RAD51B: variants seen among roughly 807,000 people sequenced by gnomAD.
RAD51B encodes the protein RAD51 paralog B.
In RAD51B, 38 loss-of-function variants were observed where a neutral mutation model predicts 42.2. That is an observed-to-expected ratio of 0.90 (90% CI 0.70 to 1.18). RAD51B has a LOEUF of 1.18. Ranked by LOEUF, RAD51B falls within the 50% of genes most tolerant of loss-of-function variation. RAD51B has a pLI of 0.00. For synonymous variants in RAD51B, 154 were observed against 145.2 expected, an observed-to-expected ratio of 1.06 and a Z score of -0.43; for missense variants, 373 against 400.7, an observed-to-expected ratio of 0.93 and a Z score of 0.59.
intron 3 of RAD51B, among the ~76,000 whole-genome samples, chr14:67,826,344 C>G (rs34193523): frequency 5.8e-4 from 88 of 152,230 alleles, no homozygotes; most frequent in African/African-American, 2.0e-3. Flanking sequence ...ATCCTTTACT[C>G]TTAAGAAAAT....
Position 68,563,786 on chromosome 14 carries a change from G to A in RAD51B, c.1037-30699G>A, listed in dbSNP as rs17105847. The A allele has an allele frequency of 1.3e-3, 1,287 of 985,264 alleles. 20 individuals carry two copies. The East Asian group carries it at 0.055, about 42-fold the overall frequency. 61.0% of individuals were successfully genotyped at this position (985,264 alleles called of 1,614,324 possible). On this transcript the variant is annotated intron_variant, in intron 10 of 10. Transcript: ENST00000487270. ...ACTCTGAGGCGTAACCTGATTTTCC[G>A]TAAGAAACGACAGCTCGGTAATGAG...
At chr14:67,834,071 A>G (rs1566913920) in intron 3 of RAD51B, among the ~76,000 whole-genome samples, 1 of 152,202 alleles carries the variant, frequency 6.6e-6, no homozygotes, top group Non-Finnish European at 1.5e-5. Context: ...GTTCAAAATT[A>G]AGGTGTAGGC....
intron 9 of RAD51B, 39 bp downstream of exon 9, chr14:68,411,566 G>T: frequency 6.3e-7 from 1 of 1,579,736 alleles, no homozygotes; most frequent in South Asian, 1.1e-5. Context: ...ATGAAGGTCG[G>T]GGAATGAGAT....
chr14:68,000,944 G>A (rs2075470895), intron 7 of RAD51B, among the ~76,000 whole-genome samples: 1 of 151,948 alleles, frequency 6.6e-6, no homozygotes, highest in African/African-American at 2.4e-5. Flanking sequence ...CATAAATTGG[G>A]GAGAATTTAT....
chr14:68,196,754 A>G (rs1042135018), intron 7 of RAD51B, among the ~76,000 whole-genome samples: 3 of 152,194 alleles, frequency 2.0e-5, no homozygotes, highest in Non-Finnish European at 4.4e-5. Context: ...GTTTATTGCT[A>G]TATCTACAAT....
intron 3 of RAD51B, among the ~76,000 whole-genome samples, chr14:67,832,503 T>G (rs1296712048): frequency 6.6e-6 from 1 of 152,254 alleles, no homozygotes; most frequent in Non-Finnish European, 1.5e-5. Context: ...TGTTATGTTC[T>G]TTAGGAAAAA....
At chr14:68,207,079 C>T (rs1183113162) in intron 7 of RAD51B, among the ~76,000 whole-genome samples, 3 of 152,040 alleles carry the variant, frequency 2.0e-5, no homozygotes, top group Non-Finnish European at 2.9e-5. Flanking sequence ...CTTGAGCCAC[C>T]GCACCCGGCC....
intron 11 of RAD51B, among the ~76,000 whole-genome samples, chr14:68,671,378 T>A (rs780433449): frequency 1.3e-5 from 2 of 152,058 alleles, no homozygotes; most frequent in Non-Finnish European, 2.9e-5. Flanking sequence ...TCCTACCACA[T>A]CTCCAGTTTG....
intron 7 of RAD51B, among the ~76,000 whole-genome samples, chr14:68,178,069 GTCT>G (rs2078994359): frequency 1.3e-5 from 2 of 152,074 alleles, no homozygotes; most frequent in Admixed American, 1.3e-4. Context: ...AATCAGGGTT[GTCT>G]TCTTTTTTCA....
chr14:68,429,638 G>T (rs948064377), intron 9 of RAD51B, among the ~76,000 whole-genome samples: 2 of 152,092 alleles, frequency 1.3e-5, no homozygotes, highest in Non-Finnish European at 2.9e-5. Context: ...TTTGTAGATT[G>T]TGGATATTAG....
At chr14:68,342,852 A>G (rs575274386) in intron 8 of RAD51B, among the ~76,000 whole-genome samples, 21 of 152,310 alleles carry the variant, frequency 1.4e-4, no homozygotes, top group African/African-American at 4.1e-4. Flanking sequence ...GTGAATACCA[A>G]TGAGTACCCA....
At chr14:68,527,578 T>G (rs1378787835) in intron 10 of RAD51B, among the ~76,000 whole-genome samples, 2 of 152,274 alleles carry the variant, frequency 1.3e-5, no homozygotes, top group African/African-American at 4.8e-5. Flanking sequence ...ATTTGTGTTT[T>G]GCTGCTCCTT....
intron 7 of RAD51B, among the ~76,000 whole-genome samples, chr14:68,012,609 G>T (rs2075704106): frequency 1.3e-5 from 2 of 152,094 alleles, no homozygotes; most frequent in Non-Finnish European, 2.9e-5. Context: ...TATAGTCTTA[G>T]TGTTAGGGTA....
downstream of RAD51B, among the ~76,000 whole-genome samples, chr14:68,614,073 G>A (rs1234270228): frequency 1.3e-5 from 2 of 152,156 alleles, no homozygotes; most frequent in African/African-American, 4.8e-5. Context: ...AGACTTTAAA[G>A]AACTCATACT....
chr14:68,022,735 T>C (rs755393890), intron 7 of RAD51B, among the ~76,000 whole-genome samples: 11 of 152,120 alleles, frequency 7.2e-5, no homozygotes, highest in Non-Finnish European at 1.3e-4. Context: ...GTTTGGTGTC[T>C]AGATAATTTT....
At position 68,176,192 on chromosome 14, in the gene RAD51B, C is replaced by G. The variant is rs2078959473; in HGVS notation, c.757-115692C>G. Among the ~76,000 whole-genome samples the G allele has an allele frequency of 3.9e-5, 6 of 152,288 alleles. No homozygotes were observed. In the South Asian group the frequency reaches 1.2e-3, roughly 32 times the overall value. ...GATGATGAGGAGGCAGATTTTATCT[C>G]TTAGGCATGCATCTTGGAAAACATA... is the stretch of plus-strand genomic sequence containing the variant. On this transcript the variant is annotated intron_variant, in intron 7 of 10. Coordinates refer to ENST00000471583, the MANE Select transcript of RAD51B (RefSeq NM_133510.4).
chr14:68,572,066 C>G (rs1055730344), intron 10 of RAD51B, among the ~76,000 whole-genome samples: 7 of 152,228 alleles, frequency 4.6e-5, no homozygotes, highest in African/African-American at 1.7e-4. Flanking sequence ...CCCACAGACC[C>G]CAGTGTGTGG....
intron 7 of RAD51B, among the ~76,000 whole-genome samples, chr14:68,041,818 C>T (rs1282372614): frequency 6.6e-6 from 1 of 152,238 alleles, no homozygotes; most frequent in Non-Finnish European, 1.5e-5. Context: ...TTTCTTTTTA[C>T]TAAGATGTGC....
intron 7 of RAD51B, among the ~76,000 whole-genome samples, chr14:68,151,197 G>T (rs2078371750): frequency 6.6e-6 from 1 of 151,648 alleles, no homozygotes; most frequent in Non-Finnish European, 1.5e-5. Flanking sequence ...TAGATTGATA[G>T]ATTTTTTTCT....
Sources: gnomAD v4.1 joint callset for allele counts (sites outside exome capture counted in the v4.1 genomes callset) on GRCh38, gnomAD v4.1.1 for gene constraint, MANE v1.5 for transcripts, NCBI Gene and HGNC (gene_info 2026-07-23, HGNC 2026-07-21) for gene names.